Variants in N4BP2L1 observed in about 807,000 individuals in gnomAD.
The protein encoded by N4BP2L1 is NEDD4 binding protein 2 like 1.
Under a neutral mutation model 21.2 loss-of-function variants are expected in N4BP2L1, and 12 were observed. That is an observed-to-expected ratio of 0.57 (90% CI 0.36 to 0.92). N4BP2L1 has a LOEUF of 0.92. Ranked by LOEUF, N4BP2L1 falls within the 40% of genes least tolerant of loss-of-function variation. N4BP2L1 has a pLI of 0.01. For synonymous variants in N4BP2L1, 104 were observed against 112.8 expected (o/e 0.92, Z 0.49); for missense variants, 259 against 310.6 (o/e 0.83, Z 1.25).
At chr13:32,418,360 A>G (rs1222112388) in intron 1 of N4BP2L1, among the ~76,000 whole-genome samples, 2 of 152,262 alleles carry the variant, frequency 1.3e-5, no homozygotes, top group East Asian at 3.8e-4. Context: ...GTGGGTGCAC[A>G]GAAGTCAATA....
chr13:32,411,555 GGT>G (rs967649567), intron 1 of N4BP2L1: 1 of 985,310 alleles, frequency 1.0e-6, no homozygotes, highest in African/African-American at 1.7e-5. Context: ...AAGTGATGAG[GGT>G]TAAGCCCCAG....
At chr13:32,413,969 G>GCCTCCAT (rs1172970475) in intron 1 of N4BP2L1, among the ~76,000 whole-genome samples, 1 of 143,142 alleles carries the variant, frequency 7.0e-6, no homozygotes, top group Non-Finnish European at 1.5e-5. Flanking sequence ...CCAGCCTCCA[G>GCCTCCAT]CTCCTGGGTT....
At chr13:32,407,599 A>G in intron 2 of N4BP2L1, 46 bp downstream of exon 2, 2 of 1,608,844 alleles carry the variant, frequency 1.2e-6, no homozygotes, top group East Asian at 2.2e-5. Context: ...GCTACAATCT[A>G]TGTGCACATC....
chr13:32,409,138 G>T (rs1239240085), intron 1 of N4BP2L1, among the ~76,000 whole-genome samples: 2 of 152,220 alleles, frequency 1.3e-5, no homozygotes, highest in Non-Finnish European at 2.9e-5. Flanking sequence ...GAGCGCGCAT[G>T]TCAAGTAGTC....
chr13:32,410,500 A>G (rs866470938), intron 1 of N4BP2L1, among the ~76,000 whole-genome samples: 21 of 152,372 alleles, frequency 1.4e-4, no homozygotes, highest in South Asian at 4.1e-4. Flanking sequence ...CAGTGACACG[A>G]AGGAAGGGAT....
chr13:32,418,632 GCAGA>G (rs2074280320), intron 1 of N4BP2L1, among the ~76,000 whole-genome samples: 1 of 152,224 alleles, frequency 6.6e-6, no homozygotes, highest in Non-Finnish European at 1.5e-5. Flanking sequence ...TGGAAAAGCC[GCAGA>G]CACTCAATGC....
upstream of N4BP2L1, among the ~76,000 whole-genome samples, chr13:32,429,045 C>A (rs1441713872): frequency 6.6e-6 from 1 of 152,228 alleles, no homozygotes; most frequent in Non-Finnish European, 1.5e-5. Flanking sequence ...TGACACCATC[C>A]TGGGAAATGC....
chr13:32,415,548 C>A lies in N4BP2L1; in HGVS notation c.180-7776G>T, dbSNP rs2074089692. Among the ~76,000 whole-genome samples the A allele has an allele frequency of 2.6e-5, 4 of 152,216 alleles. No homozygotes were observed. In the South Asian group the frequency reaches 8.3e-4, roughly 32 times the overall value. On this transcript the variant is annotated intron_variant, in intron 1 of 4. Transcript: ENST00000380130. ...TTGTTTGATTTTCTGCATTGTGACT[C>A]TGCTTATCTCTAATATACTTTAAAA... is the stretch of plus-strand genomic sequence containing the variant.
intron 1 of N4BP2L1, among the ~76,000 whole-genome samples, chr13:32,408,946 A>G (rs1306113316): frequency 6.6e-6 from 1 of 152,220 alleles, no homozygotes; most frequent in Non-Finnish European, 1.5e-5. Context: ...TCTCAACTGT[A>G]AAACACAGAT....
intron 1 of N4BP2L1, among the ~76,000 whole-genome samples, chr13:32,409,138 G>A (rs1239240085): frequency 6.6e-6 from 1 of 152,220 alleles, no homozygotes; most frequent in African/African-American, 2.4e-5. Flanking sequence ...GAGCGCGCAT[G>A]TCAAGTAGTC....
Position 32,401,923 on chromosome 13 carries a change from T to G in N4BP2L1, c.*1019A>C. The G allele has an allele frequency of 1.0e-6, 1 of 985,616 alleles. No individual in the cohort carries two copies. Among genetic ancestry groups the G allele is most frequent in the Non-Finnish European group, 1.2e-6 (1 of 829,810 alleles). The allele number at this position is 985,616 out of a possible 1,614,324, so 61.1% of individuals were successfully genotyped here. A position where few individuals can be genotyped will look rare whatever the true frequency, so the allele number is the denominator to read the frequency against. On this transcript the variant is annotated 3_prime_UTR_variant, in exon 5 of 5. Transcript: ENST00000380130. ...CAACCTGTTGGAAATTAATTTGGAT[T>G]CATAAATTCAGCATCAGTATAAGAA... is the stretch of plus-strand genomic sequence containing the variant.
chr13:32,404,373 T>C lies in N4BP2L1; in HGVS notation c.421A>G (p.Ile141Val), dbSNP rs1062947. Residue 141 changes from isoleucine (I) to valine (V), a missense_variant, in exon 4 of 5, where the codon ATA becomes GTA. Around this residue, in one of 3 missense-constraint regions of N4BP2L1, gnomAD observed 91 missense variants for 148.1 expected, o/e 0.61. Transcript: ENST00000380130. ...CAGCGAGTGTCAGGTTCTCGGAATA[T>C]AACTTCATAGTTATTTTCAAGTGCC... ...VMALENNYEV[I>V]FREPDTRWKF... The C allele has an allele frequency of 6.2e-7, 1 of 1,613,202 alleles. No individual in the cohort carries two copies. Among genetic ancestry groups the C allele is most frequent in the African/African-American group, 1.3e-5 (1 of 74,898 alleles).
chr13:32,413,088 T>G (rs2073949831), intron 1 of N4BP2L1, among the ~76,000 whole-genome samples: 1 of 151,958 alleles, frequency 6.6e-6, no homozygotes, highest in Admixed American at 6.6e-5. Flanking sequence ...CATGCCCAGC[T>G]AATTTTTTTG....
chr13:32,419,124 T>C (rs2074309600), intron 1 of N4BP2L1, among the ~76,000 whole-genome samples: 1 of 152,082 alleles, frequency 6.6e-6, no homozygotes, highest in Non-Finnish European at 1.5e-5. Flanking sequence ...TCATCTTGAA[T>C]TATAGTTCCC....
At chr13:32,427,287 C>T (rs1178930941) in intron 1 of N4BP2L1, among the ~76,000 whole-genome samples, 2 of 152,242 alleles carry the variant, frequency 1.3e-5, no homozygotes, top group Non-Finnish European at 2.9e-5. Context: ...ACGCAGGCTC[C>T]CCGACTTCGC....
intron 1 of N4BP2L1, 109 bp from the exon 2 acceptor site, chr13:32,407,881 AC>A: frequency 2.3e-6 from 3 of 1,294,202 alleles, no homozygotes; most frequent in Non-Finnish European, 3.2e-6. Context: ...TTCTGAGACC[AC>A]CAGGTTTGGA....
intron 1 of N4BP2L1, among the ~76,000 whole-genome samples, chr13:32,410,090 T>G (rs1214804281): frequency 6.6e-6 from 1 of 152,208 alleles, no homozygotes; most frequent in Non-Finnish European, 1.5e-5. Flanking sequence ...GGAAGTCTAT[T>G]GTGTGGGCGC....
rs2761363 is a variant in N4BP2L1, at chr13:32,401,779, A to G, written c.*1163T>C. 0.012 allele frequency: 3,048 copies of G among 251,544 alleles called. 95 individuals carry two copies. Among genetic ancestry groups the G allele is most frequent in the African/African-American group, 0.065 (2,829 of 43,238 alleles). The allele number at this position is 251,544 out of a possible 1,614,324, so 15.6% of individuals were successfully genotyped here. ...TTTTAATAACCATAAAAGCACCATT[A>G]TATAAGACACTTAAAATAATTTTTC... On this transcript the variant is annotated 3_prime_UTR_variant, in exon 5 of 5. Transcript: ENST00000380130.
intron 1 of N4BP2L1, chr13:32,425,248 A>G (rs955304292): frequency 2.0e-5 from 3 of 152,136 alleles, no homozygotes; most frequent in Non-Finnish European, 4.4e-5. Flanking sequence ...GGTGGGCCAC[A>G]CCTGAGCCTG....
Sources: allele counts gnomAD v4.1 joint callset (sites outside exome capture counted in the v4.1 genomes callset), GRCh38; gene constraint gnomAD v4.1.1; regional missense constraint gnomAD v4.1.1; transcripts MANE v1.5; gene names NCBI Gene and HGNC (gene_info 2026-07-23, HGNC 2026-07-21).